AFF3: variants seen among roughly 807,000 people sequenced by gnomAD.
AFF3 encodes AF4/FMR2 family member 3.
AFF3 carries 32 observed loss-of-function variants against 129.7 expected under a neutral mutation model. The ratio of observed to expected loss-of-function variants is 0.25; its 90% confidence interval spans 0.19 to 0.33. The LOEUF (loss-of-function observed/expected upper bound fraction) is 0.33. Among genes scored for constraint, AFF3 ranks in the 10% least tolerant of loss-of-function variants. The probability of loss-of-function intolerance (pLI) is 1.00; values close to 1 mark genes in which losing one functional copy is unlikely to be tolerated. For missense variants in AFF3, 1,373 were observed against 1,592.0 expected, an observed-to-expected ratio of 0.86 and a Z score of 2.34; for synonymous variants, 644 against 635.4, an observed-to-expected ratio of 1.01 and a Z score of -0.20.
At chr2:100,122,955 C>T (rs1045326925) in intron 2 of AFF3, among the ~76,000 whole-genome samples, 9 of 152,132 alleles carry the variant, frequency 5.9e-5, no homozygotes, top group Non-Finnish European at 1.0e-4. Flanking sequence ...AGTTAAAAAA[C>T]GAATGTTTAA....
chr2:99,997,066 C>T (rs1680911177), intron 7 of AFF3, among the ~76,000 whole-genome samples: 2 of 152,106 alleles, frequency 1.3e-5, no homozygotes, highest in South Asian at 4.1e-4. Context: ...GGTCAGCCCT[C>T]GTCACCTGCC....
rs141316790 is a variant in AFF3, at chr2:100,132,673, T to A, written c.-227-3367A>T. 4.6e-5 allele frequency among the ~76,000 whole-genome samples: 7 copies of A among 152,332 alleles called. No homozygotes were observed. The East Asian group carries it at 1.3e-3, about 29-fold the overall frequency. ...ATAACCAGACTCTCGCTGTCCACTATGGTAACCACTAACCACATGTGACTG... is the reference window on the plus strand; with the variant it reads ...ATAACCAGACTCTCGCTGTCCACTAAGGTAACCACTAACCACATGTGACTG... On this transcript the variant is annotated intron_variant, in intron 1 of 24. Coordinates refer to ENST00000672756, the MANE Select transcript of AFF3 (RefSeq NM_001386135.1).
rs115910167 is a variant in AFF3 at position 99,809,343 on chromosome 2, C to T, written c.921+28134G>A. 4.5e-3 allele frequency among the ~76,000 whole-genome samples: 684 copies of T among 152,348 alleles called. 3 individuals carry two copies. Among genetic ancestry groups the T allele is most frequent in the African/African-American group, 0.016 (649 of 41,566 alleles). On this transcript the variant is annotated intron_variant, in intron 8 of 24. Coordinates refer to ENST00000672756, the MANE Select transcript of AFF3 (RefSeq NM_001386135.1). ...CAGGGTCTACGGGGCAAGCCCTCAACGCGGGGGGCTGGCGCTCCTACTGCA... is the reference window on the plus strand; with the variant it reads ...CAGGGTCTACGGGGCAAGCCCTCAATGCGGGGGGCTGGCGCTCCTACTGCA...
At chr2:99,660,541 T>C (rs1303973482) in intron 12 of AFF3, among the ~76,000 whole-genome samples, 1 of 152,248 alleles carries the variant, frequency 6.6e-6, no homozygotes, top group Non-Finnish European at 1.5e-5. Context: ...TGAACAGTGC[T>C]TTACGATTTA....
chr2:99,777,033 T>C (rs547795401), intron 8 of AFF3, among the ~76,000 whole-genome samples: 3 of 152,286 alleles, frequency 2.0e-5, no homozygotes, highest in East Asian at 1.9e-4. Flanking sequence ...AACACACATA[T>C]GCTAAAGCAC....
At position 100,105,917 on chromosome 2, in the gene AFF3, C is replaced by T; in HGVS notation, c.-144-334G>A. On this transcript the variant is annotated intron_variant, in intron 2 of 24. Coordinates refer to ENST00000672756, the MANE Select transcript of AFF3 (RefSeq NM_001386135.1). Reference sequence around the variant, plus strand: ...AAAAGGGAGTCCCTTCCAGCACTCTCCCCTTTGTTCCTTTTTCTGGGCAAG... The same window carrying T: ...AAAAGGGAGTCCCTTCCAGCACTCTTCCCTTTGTTCCTTTTTCTGGGCAAG... The T allele has an allele frequency of 3.0e-6, 4 of 1,330,100 alleles. No individual in the cohort carries two copies. In the South Asian group the frequency reaches 4.9e-5, roughly 16 times the overall value. 82.4% of individuals were successfully genotyped at this position (1,330,100 alleles called of 1,614,324 possible). A position where few individuals can be genotyped will look rare whatever the true frequency, so the allele number is the denominator to read the frequency against.
intron 8 of AFF3, among the ~76,000 whole-genome samples, chr2:99,793,613 TGTG>T (rs1685359527): frequency 6.6e-6 from 1 of 152,238 alleles, no homozygotes; most frequent in Admixed American, 6.5e-5. Flanking sequence ...TTGTAATACC[TGTG>T]GTGATGTCCT....
chr2:99,660,054 C>G (rs368073385), intron 12 of AFF3, among the ~76,000 whole-genome samples: 4 of 152,168 alleles, frequency 2.6e-5, no homozygotes, highest in South Asian at 4.1e-4. Flanking sequence ...TTTGGCTCAG[C>G]AGGTGGATAC....
At chr2:99,786,794 T>G (rs1684826218) in intron 8 of AFF3, among the ~76,000 whole-genome samples, 1 of 152,224 alleles carries the variant, frequency 6.6e-6, no homozygotes. Flanking sequence ...CGTGGAGTTT[T>G]GTCCTTTCCC....
At position 99,569,215 on chromosome 2, in the gene AFF3, A is replaced by G. The variant is rs571760994; in HGVS notation, c.2919-300T>C. The stretch of plus-strand genomic sequence containing the variant: ...TATTTTTTTATTGTATGGTTAAAAA[A>G]AAAGCGAGAAATCTTATTTTAGGTA... On this transcript the variant is annotated intron_variant, in intron 18 of 24. Transcript: ENST00000672756. Among the ~76,000 whole-genome samples the G allele has an allele frequency of 3.6e-3, 541 of 152,394 alleles. 3 individuals are homozygous for G. The highest frequency in any genetic ancestry group is 0.01 in the Middle Eastern group (3 of 294).
chr2:99,623,729 C>G (rs899114152), intron 13 of AFF3, among the ~76,000 whole-genome samples: 2 of 152,188 alleles, frequency 1.3e-5, no homozygotes, highest in Non-Finnish European at 1.5e-5. Context: ...GGGCAAAACG[C>G]GGGTGCCATG....
intron 4 of AFF3, among the ~76,000 whole-genome samples, chr2:100,018,858 G>T (rs1683357794): frequency 1.3e-5 from 2 of 152,066 alleles, no homozygotes; most frequent in African/African-American, 4.8e-5. Context: ...TGAGAAGGAT[G>T]CTGACTCTCA....
At chr2:100,018,838 G>A (rs1683355592) in intron 4 of AFF3, among the ~76,000 whole-genome samples, 1 of 152,026 alleles carries the variant, frequency 6.6e-6, no homozygotes, top group African/African-American at 2.4e-5. Context: ...TCAATCACAG[G>A]TGTCTGCGAT....
At chr2:99,630,529 T>C (rs1192639928) in intron 13 of AFF3, 1 of 152,204 alleles carries the variant, frequency 6.6e-6, no homozygotes, top group Non-Finnish European at 1.5e-5. Flanking sequence ...AGGGGCCAGG[T>C]ATATTAGTTC....
intron 4 of AFF3, among the ~76,000 whole-genome samples, chr2:100,051,676 C>T (rs1480812997): frequency 1.3e-5 from 2 of 152,174 alleles, no homozygotes; most frequent in South Asian, 4.1e-4. Context: ...TCTACATGGA[C>T]AGATGACTTG....
intron 7 of AFF3, among the ~76,000 whole-genome samples, chr2:99,867,196 C>T (rs557791734): frequency 1.3e-5 from 2 of 151,796 alleles, no homozygotes; most frequent in African/African-American, 2.4e-5. Context: ...TTAACAAAGC[C>T]CAACACTTGA....
chr2:99,617,700 T>C (rs1041548234), intron 13 of AFF3, among the ~76,000 whole-genome samples: 3 of 152,242 alleles, frequency 2.0e-5, no homozygotes, highest in Non-Finnish European at 4.4e-5. Flanking sequence ...TTGTCCTTAC[T>C]TGACTTCGCT....
At chr2:99,911,404 A>T (rs1360828612) in intron 7 of AFF3, among the ~76,000 whole-genome samples, 1 of 151,948 alleles carries the variant, frequency 6.6e-6, no homozygotes, top group African/African-American at 2.4e-5. Flanking sequence ...AAAAAAAAAA[A>T]AGAAAGAAAA....
At chr2:99,899,375 C>T (rs1013960387) in intron 7 of AFF3, among the ~76,000 whole-genome samples, 1 of 152,156 alleles carries the variant, frequency 6.6e-6, no homozygotes, top group Non-Finnish European at 1.5e-5. Flanking sequence ...AATTTCAGTT[C>T]CCCTTGCACA....
Sources: gnomAD v4.1 joint callset for allele counts (sites outside exome capture counted in the v4.1 genomes callset) on GRCh38, gnomAD v4.1.1 for gene constraint, MANE v1.5 for transcripts, NCBI Gene and HGNC (gene_info 2026-07-23, HGNC 2026-07-21) for gene names.